Variants in TBC1D14 observed in about 807,000 individuals in gnomAD.
The protein encoded by TBC1D14 is TBC1 domain family, member 14.
A neutral mutation model predicts 79.0 loss-of-function variants in TBC1D14; 26 were observed. That is an observed-to-expected ratio of 0.33 (90% confidence interval 0.24 to 0.46). TBC1D14 has a LOEUF of 0.46. TBC1D14 is among the 20% of genes least tolerant of loss of function. The probability of loss-of-function intolerance (pLI) is 1.00; values close to 1 mark genes in which losing one functional copy is unlikely to be tolerated. For missense variants in TBC1D14, 769 were observed against 887.6 expected, an observed-to-expected ratio of 0.87 and a Z score of 1.70; for synonymous variants, 394 against 349.9, an observed-to-expected ratio of 1.13 and a Z score of -1.40.
intron 2 of TBC1D14, among the ~76,000 whole-genome samples, chr4:6,937,070 A>G (rs1330382898): frequency 6.6e-6 from 1 of 152,124 alleles, no homozygotes; most frequent in Non-Finnish European, 1.5e-5. Context: ...GGCATGTGCC[A>G]CTGCGCCCGG....
chr4:6,964,832 T>C (rs1197104397), intron 2 of TBC1D14, among the ~76,000 whole-genome samples: 1 of 152,208 alleles, frequency 6.6e-6, no homozygotes, highest in African/African-American at 2.4e-5. Flanking sequence ...TTTGATAAAA[T>C]TTCAAATTTA....
chr4:6,983,397 T>A (rs1431705035), intron 3 of TBC1D14, among the ~76,000 whole-genome samples: 1 of 152,142 alleles, frequency 6.6e-6, no homozygotes, highest in Non-Finnish European at 1.5e-5. Flanking sequence ...TCACAGAATC[T>A]CATGTAACTC....
chr4:7,014,395 A>G, intron 11 of TBC1D14, 53 bp from the exon 12 acceptor site: 2 of 1,256,950 alleles, frequency 1.6e-6, no homozygotes, highest in Non-Finnish European at 2.3e-6. Context: ...CTTTTTTGTA[A>G]ATTGAAAACT....
chr4:7,002,281 G>A (rs1360304720), intron 7 of TBC1D14, among the ~76,000 whole-genome samples: 1 of 152,136 alleles, frequency 6.6e-6, no homozygotes, highest in African/African-American at 2.4e-5. Context: ...GATGAATAAC[G>A]TTTAACTTGT....
chr4:6,969,700 C>T (rs187744269), intron 3 of TBC1D14, among the ~76,000 whole-genome samples: 49 of 151,834 alleles, frequency 3.2e-4, no homozygotes, highest in Admixed American at 8.5e-4. Flanking sequence ...CCACCATGCC[C>T]GGCCCGACCC....
At position 6,999,072 on chromosome 4, in the gene TBC1D14, T is replaced by C. The variant is rs368829417; in HGVS notation, c.1046-13T>C. On this transcript the variant is annotated splice_polypyrimidine_tract_variant and intron_variant, in intron 5 of 13. Transcript: ENST00000409757. ...GTTAGTAGATTGTTGTTTTTCTAAA[T>C]TGTGATTTCTAGAGCTGAAAGAAGC... The C allele has an allele frequency of 2.5e-6, 4 of 1,612,930 alleles. No homozygotes were observed. In the African/African-American group the frequency reaches 4.0e-5, roughly 16 times the overall value.
chr4:6,987,492 TGCGA>T (rs1368827007), intron 3 of TBC1D14: 3 of 755,652 alleles, frequency 4.0e-6, no homozygotes, highest in Non-Finnish European at 5.5e-6. Context: ...TGTGCGGGTG[TGCGA>T]GCATCACGTG....
intron 3 of TBC1D14, among the ~76,000 whole-genome samples, chr4:6,984,309 C>T (rs1273943742): frequency 2.0e-5 from 3 of 152,102 alleles, no homozygotes; most frequent in South Asian, 4.2e-4. Flanking sequence ...AGCATGGGGT[C>T]GTGGAGCAGT....
At chr4:7,012,876 G>A (rs368327544) in intron 11 of TBC1D14, among the ~76,000 whole-genome samples, 72 of 152,248 alleles carry the variant, frequency 4.7e-4, no homozygotes, top group African/African-American at 1.4e-3. Flanking sequence ...TTGAGGAAGC[G>A]TTCTTACTCT....
intron 12 of TBC1D14, among the ~76,000 whole-genome samples, chr4:7,017,828 T>G (rs1223777156): frequency 6.6e-6 from 1 of 152,232 alleles, no homozygotes; most frequent in Non-Finnish European, 1.5e-5. Flanking sequence ...GAAAGCCATG[T>G]ATTCATGACT....
At chr4:6,981,066 T>C (rs2109097730) in intron 3 of TBC1D14, among the ~76,000 whole-genome samples, 1 of 137,348 alleles carries the variant, frequency 7.3e-6, no homozygotes, top group South Asian at 2.5e-4. Context: ...GCTCTGTTGC[T>C]CAGGCTGGAG....
chr4:6,936,776 C>T (rs1355639053), intron 2 of TBC1D14, among the ~76,000 whole-genome samples: 1 of 152,220 alleles, frequency 6.6e-6, no homozygotes, highest in Non-Finnish European at 1.5e-5. Flanking sequence ...GTTCCACATC[C>T]TCCCCAGCGT....
At chr4:6,910,196 G>A (rs1301198355) in intron 1 of TBC1D14, 1 of 151,636 alleles carries the variant, frequency 6.6e-6, no homozygotes, top group African/African-American at 2.4e-5. Flanking sequence ...CTCGGGACTC[G>A]GCGGCCCTCG....
intron 2 of TBC1D14, among the ~76,000 whole-genome samples, chr4:6,944,936 T>C (rs1368112924): frequency 1.3e-5 from 2 of 152,222 alleles, no homozygotes; most frequent in African/African-American, 2.4e-5. Flanking sequence ...TGTCTTGCTC[T>C]TACTGGAGCT....
At chr4:7,022,544 A>C (rs554591627) in intron 12 of TBC1D14, among the ~76,000 whole-genome samples, 77 of 152,332 alleles carry the variant, frequency 5.1e-4, no homozygotes, top group African/African-American at 1.8e-3. Flanking sequence ...GCATGTGGGA[A>C]GAGCCTGCAG....
At chr4:7,013,722 G>A (rs1721004050) in intron 11 of TBC1D14, among the ~76,000 whole-genome samples, 1 of 149,782 alleles carries the variant, frequency 6.7e-6, no homozygotes, top group Non-Finnish European at 1.5e-5. Flanking sequence ...GTTGGACGAG[G>A]CATGCCTGCT....
chr4:6,922,778 AC>A (rs1723967455), intron 1 of TBC1D14, among the ~76,000 whole-genome samples: 1 of 152,120 alleles, frequency 6.6e-6, no homozygotes, highest in Admixed American at 6.6e-5. Flanking sequence ...CCCAGTCCTC[AC>A]GCTCCTGGTG....
At chr4:6,986,032 G>A (rs2109114215) in intron 3 of TBC1D14, among the ~76,000 whole-genome samples, 1 of 152,250 alleles carries the variant, frequency 6.6e-6, no homozygotes, top group South Asian at 2.1e-4. Context: ...ACCCAAAAAA[G>A]TTCCTTCGTG....
intron 8 of TBC1D14, among the ~76,000 whole-genome samples, chr4:7,005,196 T>C (rs1322163310): frequency 2.6e-5 from 4 of 152,006 alleles, no homozygotes; most frequent in Admixed American, 6.6e-5. Flanking sequence ...GGTCAGGAGT[T>C]TGAGACCAGC....
Sources: allele counts gnomAD v4.1 joint callset (sites outside exome capture counted in the v4.1 genomes callset), GRCh38; gene constraint gnomAD v4.1.1; transcripts MANE v1.5; gene names NCBI Gene and HGNC (gene_info 2026-07-23, HGNC 2026-07-21).